MUC7: variants seen among roughly 807,000 people sequenced by gnomAD.
MUC7 encodes the protein mucin-7.
A neutral mutation model predicts 2.5 loss-of-function variants in MUC7; 2 were observed. The observed-to-expected ratio is 0.81, with a 90% CI of 0.33 to 2.55. The LOEUF (loss-of-function observed/expected upper bound fraction) is 2.55, where lower values mean the gene tolerates loss of function less well. MUC7 is among the 30% of genes most tolerant of loss of function. The pLI is 0.11. For synonymous variants in MUC7, 133 were observed against 173.4 expected, an observed-to-expected ratio of 0.77 and a Z score of 1.83; for missense variants, 408 against 455.6, an observed-to-expected ratio of 0.90 and a Z score of 0.95.
chr4:70,436,087 G>C (rs1297331305), intron 1 of MUC7, among the ~76,000 whole-genome samples: 1 of 152,196 alleles, frequency 6.6e-6, no homozygotes, highest in African/African-American at 2.4e-5. Context: ...AGTCTGATGA[G>C]CTTCCCTTTG....
At chr4:70,431,602 T>C (rs1733668436) in intron 1 of MUC7, among the ~76,000 whole-genome samples, 1 of 152,182 alleles carries the variant, frequency 6.6e-6, no homozygotes, top group African/African-American at 2.4e-5. Context: ...GGCAATAACA[T>C]TTGATTTAAT....
chr4:70,480,285 C>T (rs1735126991), intron 2 of MUC7, among the ~76,000 whole-genome samples: 1 of 152,160 alleles, frequency 6.6e-6, no homozygotes, highest in African/African-American at 2.4e-5. Flanking sequence ...ATATGGAGAA[C>T]ATGAAGCCGG....
At chr4:70,474,118 A>G (rs748105903) in intron 2 of MUC7, 43 bp downstream of exon 2, 4 of 1,545,794 alleles carry the variant, frequency 2.6e-6, no homozygotes, top group Middle Eastern at 1.7e-4. Context: ...ACTATCAATA[A>G]CAAACATTTA....
chr4:70,479,105 G>A (rs1329409945), intron 2 of MUC7, among the ~76,000 whole-genome samples: 16 of 152,222 alleles, frequency 1.1e-4, no homozygotes, highest in Admixed American at 1.0e-3. Flanking sequence ...GGAGGTTTTA[G>A]TCTGTCCTAT....
rs1734986611 is a variant in MUC7, at chr4:70,475,894, AC to A, written c.54+1821del. Among the ~76,000 whole-genome samples the A allele has an allele frequency of 2.0e-5, 3 of 152,146 alleles. No homozygotes were observed. In the East Asian group the frequency reaches 5.8e-4, roughly 29 times the overall value. ...TTGGATATTCTCATATTTCTCACTT[AC>A]CTTATAATATCCCCCAGAAAACAAT... On this transcript the variant is annotated intron_variant, in intron 2 of 2. Coordinates refer to ENST00000304887, the MANE Select transcript of MUC7 (RefSeq NM_152291.3).
intron 1 of MUC7, among the ~76,000 whole-genome samples, chr4:70,459,219 G>A (rs1250645407): frequency 6.6e-6 from 1 of 152,106 alleles, no homozygotes; most frequent in Non-Finnish European, 1.5e-5. Flanking sequence ...AGAAAATGTG[G>A]CACATATACA....
chr4:70,456,520 C>T (rs1024707710), intron 1 of MUC7, among the ~76,000 whole-genome samples: 26 of 152,126 alleles, frequency 1.7e-4, no homozygotes, highest in African/African-American at 5.3e-4. Context: ...AAAGGGGAAG[C>T]AAGGCACATC....
chr4:70,444,509 A>G (rs1447620275), intron 1 of MUC7, among the ~76,000 whole-genome samples: 1 of 151,972 alleles, frequency 6.6e-6, no homozygotes, highest in Admixed American at 6.6e-5. Flanking sequence ...CACTACCACC[A>G]CTGCACTTGC....
At chr4:70,442,055 G>T (rs1427515488) in intron 1 of MUC7, among the ~76,000 whole-genome samples, 2 of 152,180 alleles carry the variant, frequency 1.3e-5, no homozygotes, top group Admixed American at 6.5e-5. Flanking sequence ...GGATTGAAAA[G>T]ATACAAAGAT....
At chr4:70,473,330 G>A (rs1470709041) in intron 1 of MUC7, among the ~76,000 whole-genome samples, 2 of 151,928 alleles carry the variant, frequency 1.3e-5, no homozygotes, top group Non-Finnish European at 2.9e-5. Context: ...TGTAGTCCAA[G>A]CTACTAGGGT....
chr4:70,447,444 A>G (rs1490491356), intron 1 of MUC7, among the ~76,000 whole-genome samples: 1 of 152,160 alleles, frequency 6.6e-6, no homozygotes, highest in Non-Finnish European at 1.5e-5. Context: ...AAAAGTCACA[A>G]TGGTTTTATT....
chr4:70,471,349 G>A (rs974254237), upstream of MUC7, among the ~76,000 whole-genome samples: 19 of 152,026 alleles, frequency 1.2e-4, no homozygotes, highest in Non-Finnish European at 1.8e-4. Context: ...TGCAACACAC[G>A]GCCCTTAGTT....
intron 1 of MUC7, among the ~76,000 whole-genome samples, chr4:70,432,565 G>C (rs764888748): frequency 6.6e-6 from 1 of 152,094 alleles, no homozygotes; most frequent in African/African-American, 2.4e-5. Flanking sequence ...ATGTCTGTTC[G>C]TATCTTTTGC....
chr4:70,477,181 G>A (rs577495184), intron 2 of MUC7, among the ~76,000 whole-genome samples: 101 of 151,990 alleles, frequency 6.6e-4, no homozygotes, highest in Non-Finnish European at 1.1e-3. Context: ...AGGCCGCGGC[G>A]GGAAGATCAC....
chr4:70,430,779 A>C (rs1437282699), intron 1 of MUC7: 1 of 152,172 alleles, frequency 6.6e-6, no homozygotes, highest in Non-Finnish European at 1.5e-5. Flanking sequence ...TACTGTAAAA[A>C]TCCACTGGTA....
intron 1 of MUC7, among the ~76,000 whole-genome samples, chr4:70,473,170 C>T (rs6849277): frequency 0.014 from 2,056 of 152,250 alleles, 49 homozygotes; most frequent in African/African-American, 0.047. Flanking sequence ...CACGGTGGCT[C>T]ACACCCGTAA....
At chr4:70,438,292 T>C (rs975597029) in intron 1 of MUC7, among the ~76,000 whole-genome samples, 4 of 152,240 alleles carry the variant, frequency 2.6e-5, no homozygotes, top group Non-Finnish European at 5.9e-5. Flanking sequence ...ATTTGTTTTT[T>C]TCTTTCACCT....
At chr4:70,470,078 T>TA (rs544717596), upstream of MUC7, among the ~76,000 whole-genome samples, 1,350 of 152,176 alleles carry the variant, frequency 8.9e-3, 18 homozygotes, top group African/African-American at 0.031. Context: ...TATGCAGCCA[T>TA]AAAAAAGGAT....
At chr4:70,442,491 G>A (rs1360155271) in intron 1 of MUC7, among the ~76,000 whole-genome samples, 1 of 152,042 alleles carries the variant, frequency 6.6e-6, no homozygotes, top group Non-Finnish European at 1.5e-5. Flanking sequence ...TATACTCCAG[G>A]CCAAACATCC....
Sources: gnomAD v4.1 joint callset for allele counts (sites outside exome capture counted in the v4.1 genomes callset) on GRCh38, gnomAD v4.1.1 for gene constraint, MANE v1.5 for transcripts, NCBI Gene and HGNC (gene_info 2026-07-23, HGNC 2026-07-21) for gene names.